The following MME variants were observed in gnomAD, a reference collection of about 807,000 sequenced individuals.
The protein encoded by MME is neprilysin.
MME carries 98 observed loss-of-function variants against 113.2 expected under a neutral mutation model. The ratio of observed to expected loss-of-function variants is 0.87; its 90% CI spans 0.74 to 1.02. The LOEUF is 1.02. MME is among the 50% of genes least tolerant of loss of function. The probability of loss-of-function intolerance (pLI) is 0.00; values close to 1 mark genes in which losing one functional copy is unlikely to be tolerated. For synonymous variants in MME, 292 were observed against 300.6 expected (o/e 0.97, Z 0.30); for missense variants, 836 against 896.0 (o/e 0.93, Z 0.86).
chr3:155,131,047 TA>T (rs1720106794), intron 8 of MME, among the ~76,000 whole-genome samples: 1 of 152,002 alleles, frequency 6.6e-6, no homozygotes, highest in Non-Finnish European at 1.5e-5. Flanking sequence ...ATAAAGAAAA[TA>T]AATCAAGGTG....
chr3:155,126,189 G>A (rs1414613157), intron 8 of MME, among the ~76,000 whole-genome samples: 2 of 152,154 alleles, frequency 1.3e-5, no homozygotes, highest in African/African-American at 4.8e-5. Flanking sequence ...CTGGCTTTAA[G>A]AGCAATGCAG....
At chr3:155,051,411 A>G (rs896919993) in intron 1 of MME, among the ~76,000 whole-genome samples, 8 of 152,338 alleles carry the variant, frequency 5.3e-5, no homozygotes, top group South Asian at 2.1e-4. Flanking sequence ...GTAAAGACAT[A>G]CCTGAAACTG....
At chr3:155,136,897 C>T (rs545362737) in intron 8 of MME, among the ~76,000 whole-genome samples, 11 of 152,210 alleles carry the variant, frequency 7.2e-5, no homozygotes, top group Non-Finnish European at 1.5e-4. Flanking sequence ...CTCACCTATC[C>T]ATAATCACAA....
intron 1 of MME, chr3:155,083,813 A>G: frequency 3.7e-6 from 1 of 271,676 alleles, no homozygotes; most frequent in South Asian, 3.7e-5. Flanking sequence ...AACTTTCTTA[A>G]TGATGGTACA....
intron 16 of MME, among the ~76,000 whole-genome samples, chr3:155,149,597 T>C (rs1391133002): frequency 6.6e-6 from 1 of 151,974 alleles, no homozygotes; most frequent in African/African-American, 2.4e-5. Context: ...TGAACTTTGA[T>C]TACATTACAA....
At chr3:155,164,787 C>T (rs1331200520) in intron 17 of MME, among the ~76,000 whole-genome samples, 1 of 152,184 alleles carries the variant, frequency 6.6e-6, no homozygotes, top group Non-Finnish European at 1.5e-5. Context: ...CAGGCTGCTA[C>T]ACGTGAGGTA....
At chr3:155,132,582 C>T (rs1720224405) in intron 8 of MME, among the ~76,000 whole-genome samples, 1 of 151,964 alleles carries the variant, frequency 6.6e-6, no homozygotes, top group South Asian at 2.1e-4. Context: ...TTCTTCTTCA[C>T]GTAAACAATC....
At chr3:155,083,273 A>G (rs1177742264) in intron 1 of MME, among the ~76,000 whole-genome samples, 2 of 152,130 alleles carry the variant, frequency 1.3e-5, no homozygotes, top group Admixed American at 1.3e-4. Context: ...TCTGTGCCCC[A>G]GTTTCCTAAT....
At chr3:155,133,609 A>C (rs558483275) in intron 8 of MME, among the ~76,000 whole-genome samples, 3 of 149,696 alleles carry the variant, frequency 2.0e-5, no homozygotes, top group Non-Finnish European at 4.4e-5. Flanking sequence ...CCATATATAT[A>C]TATGTATATA....
In MME at chr3:155,172,171, G is replaced by C. The variant is rs1186518587; in HGVS notation, c.2035G>C (p.Asp679His). ...NGEEKLLPGL[D>H]LNHKQLFFLN... The stretch of plus-strand genomic sequence containing the variant: ...CGAAGAAAAATTACTTCCTGGACTT[G>C]ACCTAAATCACAAACAACTATTTTT... The change falls in exon 21 of 23, where the codon GAC (aspartate) becomes CAC (histidine). Residue 679 changes from aspartate to histidine, a missense_variant. By Grantham distance (81) the Asp-to-His change is moderately conservative. Coordinates refer to ENST00000360490, the MANE Select transcript of MME (RefSeq NM_007289.4). The C allele has an allele frequency of 6.2e-7, 1 of 1,611,908 alleles. No homozygotes were observed. The highest frequency in any genetic ancestry group is 1.7e-5 in the Admixed American group (1 of 59,956).
chr3:155,056,894 T>C (rs184682025), intron 1 of MME, among the ~76,000 whole-genome samples: 4,073 of 152,282 alleles, frequency 0.027, 143 homozygotes, highest in African/African-American at 0.083. Context: ...GCTAGCCATA[T>C]GTAGAAAGCT....
rs1553762420 is a variant in MME, at chr3:155,133,062, A to AATATATATATATATATATATAT, written c.721-5022_721-5021insATATATATATATATATATATAT. Among the ~76,000 whole-genome samples, 108 of 74,908 alleles carry AATATATATATATATATATATAT rather than the reference A, an allele frequency of 1.4e-3. 1 individual carries two copies. The highest frequency in any genetic ancestry group is 2.0e-3 in the Non-Finnish European group (78 of 38,438). The allele number at this position is 74,908 out of a possible 152,430, so 49.1% of individuals were successfully genotyped here. A position where few individuals can be genotyped will look rare whatever the true frequency, so the allele number is the denominator to read the frequency against. ...TCTAAAAAAAAAAAAAAAAAAAAAA[A>AATATATATATATATATATATAT]ATATATATATATATATATGTATAAA... On this transcript the variant is annotated intron_variant, in intron 8 of 22. Coordinates refer to ENST00000360490, the MANE Select transcript of MME (RefSeq NM_007289.4).
chr3:155,077,491 C>T (rs1312444884), upstream of MME, among the ~76,000 whole-genome samples: 1 of 152,184 alleles, frequency 6.6e-6, no homozygotes, highest in African/African-American at 2.4e-5. Flanking sequence ...TTATCTCAAA[C>T]TTGCACAAAC....
chr3:155,079,605 T>A (rs1455088982), upstream of MME: 1 of 75,828 alleles, frequency 1.3e-5, no homozygotes. Context: ...TCTCTGGTCC[T>A]GCAGCGGCGA....
At chr3:155,167,432 G>A (rs993224209) in intron 18 of MME, among the ~76,000 whole-genome samples, 13 of 150,834 alleles carry the variant, frequency 8.6e-5, no homozygotes, top group Admixed American at 5.3e-4. Flanking sequence ...CTCTTAAGCT[G>A]CTTAAGAGAC....
rs140820588 is a variant in MME, at chr3:155,104,388, A to G, written c.197-10606A>G. 3.8e-3 allele frequency among the ~76,000 whole-genome samples: 572 copies of G among 152,308 alleles called. 7 individuals are homozygous for G. Among genetic ancestry groups the G allele is most frequent in the African/African-American group, 0.013 (526 of 41,560 alleles). On this transcript the variant is annotated intron_variant, in intron 3 of 22. Transcript: ENST00000360490. Reference sequence around the variant, plus strand: ...CCAAATACTGCCTTGTGCCAATCAAATGTTTGGTTTATTAATAGTTACTAA... The same window carrying G: ...CCAAATACTGCCTTGTGCCAATCAAGTGTTTGGTTTATTAATAGTTACTAA...
chr3:155,041,927 T>C (rs1576665359), intron 1 of MME, among the ~76,000 whole-genome samples: 6 of 152,180 alleles, frequency 3.9e-5, no homozygotes, highest in Admixed American at 3.3e-4. Flanking sequence ...CGGTAATATC[T>C]CAAATCTGGG....
intron 1 of MME, among the ~76,000 whole-genome samples, chr3:155,061,661 G>GTT (rs1194964540): frequency 1.5e-3 from 195 of 133,710 alleles, no homozygotes; most frequent in South Asian, 3.6e-3. Flanking sequence ...TTATCTGTAG[G>GTT]TTTTTTTTTT....
chr3:155,166,454 T>C (rs747289417), intron 17 of MME, among the ~76,000 whole-genome samples: 3 of 152,206 alleles, frequency 2.0e-5, no homozygotes, highest in Non-Finnish European at 4.4e-5. Flanking sequence ...ATTTCTGCAA[T>C]AACATTAAAA....
Sources: allele counts gnomAD v4.1 joint callset (sites outside exome capture counted in the v4.1 genomes callset), GRCh38; gene constraint gnomAD v4.1.1; transcripts MANE v1.5; gene names NCBI Gene and HGNC (gene_info 2026-07-23, HGNC 2026-07-21).